ASTN2: variants seen among roughly 807,000 people sequenced by gnomAD.
ASTN2 encodes the protein astrotactin 2.
ASTN2 carries 54 observed loss-of-function variants against 139.8 expected under a neutral mutation model. That is an observed-to-expected ratio of 0.39 (90% CI 0.31 to 0.48). The LOEUF (loss-of-function observed/expected upper bound fraction) is 0.48. Among genes scored for constraint, ASTN2 ranks in the 20% least tolerant of loss-of-function variants. The probability of loss-of-function intolerance (pLI) is 0.95; values close to 1 mark genes in which losing one functional copy is unlikely to be tolerated. For missense variants in ASTN2, 1,565 were observed against 1,725.1 expected (o/e 0.91, Z 1.64); for synonymous variants, 756 against 719.5 (o/e 1.05, Z -0.81).
chr9:116,656,682 CA>C (rs33989865), intron 16 of ASTN2, among the ~76,000 whole-genome samples: 29,224 of 109,154 alleles, frequency 0.27, 2,809 homozygotes, highest in Middle Eastern at 0.34. Context: ...TTGTTGCCAC[CA>C]AAAAAAAAAA....
At chr9:117,162,395 G>T (rs1186071047) in intron 3 of ASTN2, among the ~76,000 whole-genome samples, 3 of 152,018 alleles carry the variant, frequency 2.0e-5, no homozygotes. Flanking sequence ...AATGAGATGG[G>T]CTGGCCAGCT....
chr9:117,339,906 C>CAA (rs34679364), intron 1 of ASTN2, among the ~76,000 whole-genome samples: 42 of 87,006 alleles, frequency 4.8e-4, no homozygotes, highest in South Asian at 9.5e-4. Context: ...GTCTCTTTTA[C>CAA]AAAAAAAAAA....
Position 116,455,086 on chromosome 9 carries a change from C to T in ASTN2, c.3498-12533G>A, listed in dbSNP as rs529579733. Reference sequence around the variant, plus strand: ...GTAGGAGGCTGGACACAGTGGCTCACGCCCATAATCCCAGCACTTTGGGAG... The same window carrying T: ...GTAGGAGGCTGGACACAGTGGCTCATGCCCATAATCCCAGCACTTTGGGAG... On this transcript the variant is annotated intron_variant, in intron 20 of 22. Coordinates refer to ENST00000313400, the MANE Select transcript of ASTN2 (RefSeq NM_001365068.1). Among the ~76,000 whole-genome samples, 458 of 151,716 alleles carry T rather than the reference C, an allele frequency of 3.0e-3. 1 individual carries two copies. Among genetic ancestry groups the T allele is most frequent in the Non-Finnish European group, 3.7e-3 (252 of 67,906 alleles).
rs138546810 is a variant in ASTN2, at chr9:116,425,955, C to T, written c.3916G>A (p.Ala1306Thr). The part of the protein sequence containing the change: ...LFCRSEEVRP[A>T]GMVWYSILKD... ...AGGATGCTATACCACACCATGCCTG[C>T]AGGCCGGACCTCCTCGCTGCGGCAG... Residue 1306 changes from alanine (A) to threonine (T), a missense_variant, in exon 23 of 23, where the codon GCA becomes ACA. Physicochemically the swap from Ala to Thr is moderately conservative, Grantham distance 58. Around this residue, in one of 4 missense-constraint regions of ASTN2, gnomAD observed 418 missense variants for 465.8 expected, o/e 0.90. Coordinates refer to ENST00000313400, the MANE Select transcript of ASTN2 (RefSeq NM_001365068.1). The T allele has an allele frequency of 6.2e-7, 1 of 1,614,166 alleles. No individual in the cohort carries two copies. The highest frequency in any genetic ancestry group is 8.5e-7 in the Non-Finnish European group (1 of 1,180,024).
At chr9:117,131,050 A>G (rs1829816071) in intron 4 of ASTN2, among the ~76,000 whole-genome samples, 1 of 152,214 alleles carries the variant, frequency 6.6e-6, no homozygotes, top group Non-Finnish European at 1.5e-5. Flanking sequence ...TTACAGCTGA[A>G]TTAGAAAAGA....
At chr9:116,573,659 T>C (rs944792584) in intron 19 of ASTN2, among the ~76,000 whole-genome samples, 2 of 152,230 alleles carry the variant, frequency 1.3e-5, no homozygotes, top group African/African-American at 4.8e-5. Flanking sequence ...TGTGTGTTTG[T>C]TTTAGTTAAT....
intron 2 of ASTN2, among the ~76,000 whole-genome samples, chr9:117,245,586 T>C (rs1588128454): frequency 6.6e-6 from 1 of 152,284 alleles, no homozygotes; most frequent in South Asian, 2.1e-4. Context: ...GGAGGCTGGG[T>C]GCAGGGCCAG....
intron 16 of ASTN2, chr9:116,697,282 G>A (rs1396804285): frequency 6.0e-6 from 1 of 168,052 alleles, no homozygotes; most frequent in Non-Finnish European, 1.3e-5. Context: ...CTACTTCCCT[G>A]GTGCTATACT....
chr9:117,116,272 C>T (rs916311256), intron 4 of ASTN2, among the ~76,000 whole-genome samples: 3 of 152,114 alleles, frequency 2.0e-5, no homozygotes, highest in Non-Finnish European at 4.4e-5. Context: ...AAGATGATCA[C>T]ACACAAGTGA....
At chr9:116,894,046 A>G (rs1049722294) in intron 10 of ASTN2, among the ~76,000 whole-genome samples, 3 of 152,166 alleles carry the variant, frequency 2.0e-5, no homozygotes, top group African/African-American at 7.2e-5. Context: ...AGCAATGACT[A>G]GCCTTCCCTA....
chr9:116,837,472 C>A (rs1588337072), intron 11 of ASTN2, among the ~76,000 whole-genome samples: 1 of 152,172 alleles, frequency 6.6e-6, no homozygotes, highest in Admixed American at 6.5e-5. Context: ...ACAGGCTAGC[C>A]CTGCTGGGCT....
chr9:116,553,456 G>A (rs569446335), intron 19 of ASTN2, among the ~76,000 whole-genome samples: 9 of 152,136 alleles, frequency 5.9e-5, no homozygotes, highest in African/African-American at 1.9e-4. Context: ...TGTTATCCTC[G>A]GCAGATATTT....
At chr9:117,090,597 G>C (rs991618582) in intron 5 of ASTN2, among the ~76,000 whole-genome samples, 3 of 152,222 alleles carry the variant, frequency 2.0e-5, no homozygotes, top group African/African-American at 7.2e-5. Flanking sequence ...TGAAGGGAAA[G>C]AAAATATTAG....
chr9:116,444,847 T>C (rs1189877953), intron 20 of ASTN2, among the ~76,000 whole-genome samples: 2 of 152,172 alleles, frequency 1.3e-5, no homozygotes, highest in African/African-American at 4.8e-5. Flanking sequence ...GCAGTATGGA[T>C]AGATGTGAAA....
intron 13 of ASTN2, among the ~76,000 whole-genome samples, chr9:116,775,829 A>C (rs542404915): frequency 8.2e-5 from 12 of 145,830 alleles, no homozygotes; most frequent in African/African-American, 3.1e-4. Context: ...GGAAGAAAGG[A>C]AGGAAGGCAG....
chr9:117,190,436 C>T (rs892604008), intron 3 of ASTN2, among the ~76,000 whole-genome samples: 1 of 152,148 alleles, frequency 6.6e-6, no homozygotes, highest in African/African-American at 2.4e-5. Context: ...CAAATCACTC[C>T]TTCTCAGTTT....
chr9:116,442,674 A>C (rs1027618186), intron 20 of ASTN2, 121 bp from the exon 21 acceptor site: 1 of 800,718 alleles, frequency 1.2e-6, no homozygotes, highest in Non-Finnish European at 2.1e-6. Context: ...TTAAAAAAAG[A>C]ATGATACTTA....
At chr9:117,055,139 T>A (rs146909750) in intron 5 of ASTN2, among the ~76,000 whole-genome samples, 1 of 152,356 alleles carries the variant, frequency 6.6e-6, no homozygotes, top group African/African-American at 2.4e-5. Context: ...CTGTCCTAGA[T>A]GATATCTCCA....
In ASTN2 at chr9:116,715,733, G is replaced by T. The variant is rs141982015; in HGVS notation, c.2806+10038C>A. On this transcript the variant is annotated intron_variant, in intron 16 of 22. Coordinates refer to ENST00000313400, the MANE Select transcript of ASTN2 (RefSeq NM_001365068.1). ...TGACTGTGGGATCTTTGAGAGCAGG[G>T]ACTGTGTCTCACTTGCCTTAGCCTC... Among the ~76,000 whole-genome samples the T allele has an allele frequency of 8.6e-4, 131 of 152,276 alleles. 2 individuals are homozygous for T. The East Asian group carries it at 0.023, about 27-fold the overall frequency.
Sources: allele counts gnomAD v4.1 joint callset (sites outside exome capture counted in the v4.1 genomes callset), GRCh38; gene constraint gnomAD v4.1.1; regional missense constraint gnomAD v4.1.1; transcripts MANE v1.5; gene names NCBI Gene and HGNC (gene_info 2026-07-23, HGNC 2026-07-21).